Variants in METTL24 observed in about 807,000 individuals in gnomAD.
METTL24 encodes the protein methyltransferase like 24.
Under a neutral mutation model 32.7 loss-of-function variants are expected in METTL24, and 29 were observed. That is an observed-to-expected ratio of 0.89 (90% CI 0.66 to 1.21). The LOEUF is 1.21. Ranked by LOEUF, METTL24 falls within the 50% of genes most tolerant of loss-of-function variation. The pLI, the probability that METTL24 is intolerant of heterozygous loss-of-function variation, is 0.00. For synonymous variants in METTL24, 163 were observed against 179.5 expected (o/e 0.91, Z 0.73); for missense variants, 439 against 468.1 (o/e 0.94, Z 0.57).
chr6:110,336,971 T>G (rs1290988103), intron 1 of METTL24, among the ~76,000 whole-genome samples: 1 of 152,076 alleles, frequency 6.6e-6, no homozygotes, highest in Non-Finnish European at 1.5e-5. Flanking sequence ...CACATGCACG[T>G]GAATGTTCAC....
At chr6:110,345,003 G>A (rs1400175365) in intron 1 of METTL24, among the ~76,000 whole-genome samples, 2 of 152,132 alleles carry the variant, frequency 1.3e-5, no homozygotes, top group African/African-American at 2.4e-5. Flanking sequence ...AACCTGTAGT[G>A]GATGGGAGAA....
At chr6:110,323,211 T>G (rs746540227) in intron 1 of METTL24, among the ~76,000 whole-genome samples, 1 of 152,234 alleles carries the variant, frequency 6.6e-6, no homozygotes, top group Non-Finnish European at 1.5e-5. Context: ...TATATGAGGC[T>G]GTGCTCCTCC....
intron 4 of METTL24, among the ~76,000 whole-genome samples, chr6:110,254,933 A>C (rs750924341): frequency 2.0e-5 from 3 of 152,204 alleles, no homozygotes; most frequent in Non-Finnish European, 4.4e-5. Flanking sequence ...GAAAAATAGA[A>C]TAAATTAATC....
Position 110,244,352 on chromosome 6 carries a change from A to G in METTL24, c.*1594T>C, listed in dbSNP as rs1230977439. On this transcript the variant is annotated 3_prime_UTR_variant, in exon 5 of 5. Coordinates refer to ENST00000338882, the MANE Select transcript of METTL24 (RefSeq NM_001123364.3). ...GGAATTAAGGCTGAGTATAAAAAGC[A>G]TCTTGAGTTGAAGCTCTTTTTTTTT... Among the ~76,000 whole-genome samples, 2 of 152,184 alleles carry G rather than the reference A, an allele frequency of 1.3e-5. No homozygotes were observed. The highest frequency in any genetic ancestry group is 1.9e-4 in the East Asian group (1 of 5,194).
rs982989860 is a variant in METTL24 at position 110,286,992 on chromosome 6, A to G, written c.786+11930T>C. On this transcript the variant is annotated intron_variant, in intron 4 of 4. Coordinates refer to ENST00000338882, the MANE Select transcript of METTL24 (RefSeq NM_001123364.3). ...CTTGTGATCTTGTGAGTTAATACTT[A>G]ATAAGCTTCCCTTTATATATATGTA... 2.6e-5 allele frequency among the ~76,000 whole-genome samples: 4 copies of G among 152,270 alleles called. No individual in the cohort carries two copies. The East Asian group carries it at 7.7e-4, about 29-fold the overall frequency.
chr6:110,358,201 C>CA lies in METTL24; in HGVS notation c.71dup (p.Leu24PhefsTer103). 2 of 1,466,252 alleles carry CA rather than the reference C, an allele frequency of 1.4e-6. No homozygotes were observed. The highest frequency in any genetic ancestry group is 1.8e-6 in the Non-Finnish European group (2 of 1,115,760). The allele number at this position is 1,466,252 out of a possible 1,614,324, so 90.8% of individuals were successfully genotyped here. A position where few individuals can be genotyped will look rare whatever the true frequency, so the allele number is the denominator to read the frequency against. ...GCTCTGCGCAGAGCCGCAGGCCGAA[C>CA]AACAGCACAGCCCCGAGTAGACACC... On this transcript the variant is annotated frameshift_variant, in exon 1 of 5. Transcript: ENST00000338882. LOFTEE classifies it high-confidence loss of function.
chr6:110,250,794 A>G (rs1333582723), intron 4 of METTL24, among the ~76,000 whole-genome samples: 1 of 152,088 alleles, frequency 6.6e-6, no homozygotes, highest in Non-Finnish European at 1.5e-5. Context: ...GCCAGTTGAA[A>G]CCACCATCGT....
intron 4 of METTL24, among the ~76,000 whole-genome samples, chr6:110,278,198 G>A (rs1231713303): frequency 2.0e-5 from 3 of 152,132 alleles, no homozygotes; most frequent in Non-Finnish European, 4.4e-5. Context: ...TGGTTCCCGT[G>A]TGTGAATTGT....
At chr6:110,315,091 C>T (rs1288343526) in intron 3 of METTL24, among the ~76,000 whole-genome samples, 1 of 151,922 alleles carries the variant, frequency 6.6e-6, no homozygotes, top group Non-Finnish European at 1.5e-5. Context: ...GGTTTATCCA[C>T]ATGATGAGAA....
chr6:110,353,324 T>C (rs1262825580), intron 1 of METTL24, among the ~76,000 whole-genome samples: 2 of 152,194 alleles, frequency 1.3e-5, no homozygotes, highest in African/African-American at 4.8e-5. Context: ...AGCTAGAAAC[T>C]ACTGCTGGGC....
chr6:110,319,697 T>A (rs921052747), intron 2 of METTL24, among the ~76,000 whole-genome samples: 1 of 152,010 alleles, frequency 6.6e-6, no homozygotes, highest in Admixed American at 6.6e-5. Context: ...CTCTGTCGTG[T>A]ATCATGGTCT....
chr6:110,333,393 C>T (rs552999659), intron 1 of METTL24, among the ~76,000 whole-genome samples: 32 of 152,056 alleles, frequency 2.1e-4, no homozygotes, highest in Admixed American at 1.0e-3. Context: ...ATTTGTAAAC[C>T]GTGTTTTTAT....
intron 1 of METTL24, among the ~76,000 whole-genome samples, chr6:110,356,181 C>T (rs1051732003): frequency 1.3e-5 from 2 of 152,174 alleles, no homozygotes; most frequent in Non-Finnish European, 2.9e-5. Flanking sequence ...CAGTGGCTCA[C>T]GCCTGTAATT....
At chr6:110,258,056 T>C (rs1778418680) in intron 4 of METTL24, among the ~76,000 whole-genome samples, 1 of 152,274 alleles carries the variant, frequency 6.6e-6, no homozygotes, top group African/African-American at 2.4e-5. Context: ...ATATCATCCA[T>C]ATCATTGGGC....
chr6:110,247,336 A>T (rs1294492298), intron 4 of METTL24, among the ~76,000 whole-genome samples: 1 of 152,030 alleles, frequency 6.6e-6, no homozygotes, highest in Non-Finnish European at 1.5e-5. Flanking sequence ...ATGAACTCTG[A>T]ACAGAGTCTG....
At chr6:110,275,957 C>T (rs538443014) in intron 4 of METTL24, among the ~76,000 whole-genome samples, 6 of 152,328 alleles carry the variant, frequency 3.9e-5, no homozygotes, top group African/African-American at 1.4e-4. Context: ...CTTTCCTCTG[C>T]ATTTCTCTCC....
intron 3 of METTL24, among the ~76,000 whole-genome samples, chr6:110,300,256 C>T (rs1018576068): frequency 1.3e-5 from 2 of 152,002 alleles, no homozygotes; most frequent in African/African-American, 2.4e-5. Context: ...TTTTGGTATC[C>T]GTTGGTGGGG....
intron 3 of METTL24, among the ~76,000 whole-genome samples, chr6:110,301,406 T>G (rs1771515036): frequency 1.3e-5 from 2 of 152,204 alleles, no homozygotes; most frequent in Admixed American, 1.3e-4. Flanking sequence ...AGTCCTTCCC[T>G]GCCCCTTGAC....
intron 4 of METTL24, among the ~76,000 whole-genome samples, chr6:110,276,135 A>G (rs956498615): frequency 5.9e-5 from 9 of 152,186 alleles, no homozygotes; most frequent in African/African-American, 1.9e-4. Flanking sequence ...TGAGAAACCA[A>G]TAAGATTACA....
Sources: allele counts gnomAD v4.1 joint callset (sites outside exome capture counted in the v4.1 genomes callset), GRCh38; gene constraint gnomAD v4.1.1; transcripts MANE v1.5; gene names NCBI Gene and HGNC (gene_info 2026-07-23, HGNC 2026-07-21).